The following SPIRE1 variants were observed in gnomAD, a reference collection of about 807,000 sequenced individuals.
SPIRE1 encodes the protein spire type actin nucleation factor 1, also known as protein spire homolog 1.
Under a neutral mutation model 94.1 loss-of-function variants are expected in SPIRE1, and 40 were observed. The ratio of observed to expected loss-of-function variants is 0.43; its 90% CI spans 0.33 to 0.55. SPIRE1 has a LOEUF of 0.55. Ranked by LOEUF, SPIRE1 falls within the 20% of genes least tolerant of loss-of-function variation. SPIRE1 has a pLI of 0.06. For missense variants in SPIRE1, 838 were observed against 975.2 expected (o/e 0.86, Z 1.87); for synonymous variants, 376 against 371.7 (o/e 1.01, Z -0.13).
chr18:12,457,582 G>A (rs1169653630), intron 12 of SPIRE1, among the ~76,000 whole-genome samples: 1 of 152,174 alleles, frequency 6.6e-6, no homozygotes, highest in African/African-American at 2.4e-5. Flanking sequence ...TTGCTCATGT[G>A]TCAATGGGAC....
At chr18:12,591,390 G>A (rs114363042) in intron 2 of SPIRE1, among the ~76,000 whole-genome samples, 1,993 of 152,264 alleles carry the variant, frequency 0.013, 48 homozygotes, top group African/African-American at 0.045. Flanking sequence ...GGTCACACAG[G>A]GCCTTGCTGA....
At chr18:12,603,871 C>T (rs1278244460) in intron 2 of SPIRE1, among the ~76,000 whole-genome samples, 1 of 152,154 alleles carries the variant, frequency 6.6e-6, no homozygotes, top group Non-Finnish European at 1.5e-5. Flanking sequence ...CAGCGCCTGG[C>T]CTATCACCAG....
At chr18:12,616,955 G>A (rs2144717654) in intron 2 of SPIRE1, among the ~76,000 whole-genome samples, 1 of 148,496 alleles carries the variant, frequency 6.7e-6, no homozygotes, top group South Asian at 2.2e-4. Context: ...CACCCCCGGG[G>A]TTCAAGCGAT....
chr18:12,488,087 T>A (rs1040303114), intron 8 of SPIRE1, among the ~76,000 whole-genome samples: 3 of 152,132 alleles, frequency 2.0e-5, no homozygotes, highest in Admixed American at 6.5e-5. Flanking sequence ...CGTTTTCCAT[T>A]CCAAAAACTA....
intron 1 of SPIRE1, among the ~76,000 whole-genome samples, chr18:12,650,669 C>T (rs986127458): frequency 6.7e-5 from 10 of 149,056 alleles, no homozygotes; most frequent in South Asian, 4.3e-4. Context: ...AAGATCACGC[C>T]GCTGCACTCC....
chr18:12,571,703 T>C (rs1193798611), intron 2 of SPIRE1, among the ~76,000 whole-genome samples: 1 of 152,216 alleles, frequency 6.6e-6, no homozygotes, highest in African/African-American at 2.4e-5. Context: ...ATAAACTCTA[T>C]CCCTTCAAAA....
intron 2 of SPIRE1, among the ~76,000 whole-genome samples, chr18:12,596,497 A>AT (rs1299787855): frequency 5.3e-5 from 8 of 152,056 alleles, no homozygotes; most frequent in Non-Finnish European, 1.2e-4. Context: ...ATGAAAAAAT[A>AT]TTTTTTCCCA....
chr18:12,653,670 G>A (rs750614276), intron 1 of SPIRE1, among the ~76,000 whole-genome samples: 12 of 152,174 alleles, frequency 7.9e-5, no homozygotes, highest in Non-Finnish European at 1.0e-4. Context: ...ATATCAGGCC[G>A]GGCGTGGTGG....
chr18:12,533,723 AG>A (rs2034756037), intron 4 of SPIRE1, among the ~76,000 whole-genome samples: 2 of 152,228 alleles, frequency 1.3e-5, no homozygotes, highest in Admixed American at 1.3e-4. Context: ...TAAAGTAGCC[AG>A]GTTCATACAT....
chr18:12,573,397 G>C (rs2036007899), intron 2 of SPIRE1, among the ~76,000 whole-genome samples: 1 of 151,958 alleles, frequency 6.6e-6, no homozygotes, highest in Middle Eastern at 3.2e-3. Context: ...AACCACTTTG[G>C]GGGACAATTT....
rs9957046 is a variant in SPIRE1, at chr18:12,505,784, C to G, written c.972+693G>C. Among the ~76,000 whole-genome samples the G allele has an allele frequency of 2.5e-3, 386 of 152,088 alleles. 5 individuals carry two copies. The highest frequency in any genetic ancestry group is 9.0e-3 in the African/African-American group (373 of 41,496). On this transcript the variant is annotated intron_variant, in intron 6 of 16. Coordinates refer to ENST00000409402, the MANE Select transcript of SPIRE1 (RefSeq NM_001128626.2). ...ATTTGTTTAATAAACTCCGGAATAGCCATAAGCTAGAAACGATATAGCCAT... is the reference window on the plus strand; with the variant it reads ...ATTTGTTTAATAAACTCCGGAATAGGCATAAGCTAGAAACGATATAGCCAT...
At position 12,574,959 on chromosome 18, in the gene SPIRE1, G is replaced by A. The variant is rs149043270; in HGVS notation, c.373-28055C>T. Among the ~76,000 whole-genome samples, 278 of 152,314 alleles carry A rather than the reference G, an allele frequency of 1.8e-3. 1 individual carries two copies. The highest frequency in any genetic ancestry group is 6.2e-3 in the African/African-American group (257 of 41,552). On this transcript the variant is annotated intron_variant, in intron 2 of 16. Transcript: ENST00000409402. ...CACGTCCACTGGATTCAGTAAGGTG[G>A]AGGTCATTGGAGACTTTGGCAAGGG...
intron 3 of SPIRE1, among the ~76,000 whole-genome samples, chr18:12,543,870 A>C (rs2035078748): frequency 6.6e-6 from 1 of 152,262 alleles, no homozygotes; most frequent in Non-Finnish European, 1.5e-5. Flanking sequence ...ACAATGAGTC[A>C]ATTTATGAAT....
intron 6 of SPIRE1, among the ~76,000 whole-genome samples, chr18:12,497,596 G>T (rs2033505466): frequency 6.6e-6 from 1 of 152,058 alleles, no homozygotes; most frequent in Admixed American, 6.6e-5. Context: ...GGGCAGGATG[G>T]CCCAGAGCAA....
chr18:12,658,736 G>C, upstream of SPIRE1: 1 of 404,026 alleles, frequency 2.5e-6, no homozygotes, highest in Non-Finnish European at 5.2e-6. Context: ...CCGATTTCTT[G>C]CTGGTTGAAT....
At chr18:12,466,955 A>G (rs539872592) in intron 10 of SPIRE1, among the ~76,000 whole-genome samples, 4 of 152,306 alleles carry the variant, frequency 2.6e-5, no homozygotes, top group East Asian at 1.9e-4. Context: ...CAGGGCGGAA[A>G]AAAAGGCCAC....
chr18:12,556,053 A>G (rs901849423), intron 2 of SPIRE1, among the ~76,000 whole-genome samples: 19 of 152,196 alleles, frequency 1.2e-4, no homozygotes, highest in Admixed American at 5.2e-4. Flanking sequence ...AGAAATCAAG[A>G]AAGTAATCCC....
chr18:12,476,616 C>CACACATATATAT (rs1205203730), intron 10 of SPIRE1, among the ~76,000 whole-genome samples: 2 of 132,032 alleles, frequency 1.5e-5, no homozygotes, highest in Admixed American at 8.5e-5. Flanking sequence ...CACATATATA[C>CACACATATATAT]ACACACATAT....
chr18:12,610,701 C>G (rs919380177), intron 2 of SPIRE1, among the ~76,000 whole-genome samples: 1 of 152,102 alleles, frequency 6.6e-6, no homozygotes, highest in Non-Finnish European at 1.5e-5. Context: ...AATGCTCCCC[C>G]CAAAACCACG....
Sources: allele counts gnomAD v4.1 joint callset (sites outside exome capture counted in the v4.1 genomes callset), GRCh38; gene constraint gnomAD v4.1.1; transcripts MANE v1.5; gene names NCBI Gene and HGNC (gene_info 2026-07-23, HGNC 2026-07-21).